PTPRD: variants seen among roughly 807,000 people sequenced by gnomAD.
The protein encoded by PTPRD is protein tyrosine phosphatase receptor type D.
A neutral mutation model predicts 214.5 loss-of-function variants in PTPRD; 34 were observed. The ratio of observed to expected loss-of-function variants is 0.16; its 90% CI spans 0.12 to 0.21. The LOEUF is 0.21. PTPRD is among the 10% of genes least tolerant of loss of function. The pLI is 1.00. For synonymous variants in PTPRD, 1,128 were observed against 845.7 expected, an observed-to-expected ratio of 1.33 and a Z score of -5.79; for missense variants, 2,545 against 2,398.7, an observed-to-expected ratio of 1.06 and a Z score of -1.27.
intron 11 of PTPRD, among the ~76,000 whole-genome samples, chr9:8,753,288 T>A (rs1198890790): frequency 1.3e-5 from 2 of 152,184 alleles, no homozygotes; most frequent in South Asian, 4.1e-4. Context: ...TCTGGTGATA[T>A]AATGGAAGTG....
At chr9:9,794,394 T>C (rs534674038) in intron 5 of PTPRD, among the ~76,000 whole-genome samples, 14 of 151,858 alleles carry the variant, frequency 9.2e-5, no homozygotes, top group African/African-American at 3.4e-4. Flanking sequence ...ACATGAGTAA[T>C]ATAGTGAAAG....
chr9:9,126,300 T>C (rs1265511343), intron 10 of PTPRD, among the ~76,000 whole-genome samples: 1 of 152,208 alleles, frequency 6.6e-6, no homozygotes, highest in Non-Finnish European at 1.5e-5. Flanking sequence ...CTATAGCCTT[T>C]GGCATTTATC....
intron 4 of PTPRD, among the ~76,000 whole-genome samples, chr9:9,949,375 T>G (rs1409754589): frequency 6.6e-6 from 1 of 152,172 alleles, no homozygotes; most frequent in Non-Finnish European, 1.5e-5. Flanking sequence ...AATTATTTGA[T>G]GAAATCCACA....
intron 14 of PTPRD, among the ~76,000 whole-genome samples, chr9:8,605,961 C>T (rs1049208000): frequency 2.0e-4 from 30 of 151,838 alleles, no homozygotes; most frequent in African/African-American, 6.1e-4. Flanking sequence ...TTTTATTTTT[C>T]GGGGAGCGGG....
At chr9:8,593,790 G>A (rs750741875) in intron 14 of PTPRD, among the ~76,000 whole-genome samples, 2 of 152,150 alleles carry the variant, frequency 1.3e-5, no homozygotes, top group Non-Finnish European at 2.9e-5. Context: ...GATGATCATA[G>A]CACCCTTGGC....
intron 3 of PTPRD, among the ~76,000 whole-genome samples, chr9:10,065,972 A>C (rs1278834234): frequency 3.9e-5 from 6 of 151,932 alleles, no homozygotes; most frequent in Non-Finnish European, 8.8e-5. Context: ...CATTTTGAAG[A>C]TAGCACAAAA....
intron 9 of PTPRD, among the ~76,000 whole-genome samples, chr9:9,204,526 A>G (rs918396832): frequency 6.6e-6 from 1 of 152,118 alleles, no homozygotes; most frequent in Non-Finnish European, 1.5e-5. Context: ...TTAAAGGAAC[A>G]CTCACGAGTC....
At chr9:9,069,920 G>A (rs2099741292) in intron 10 of PTPRD, among the ~76,000 whole-genome samples, 1 of 152,116 alleles carries the variant, frequency 6.6e-6, no homozygotes, top group East Asian at 1.9e-4. Context: ...TATTTCACCA[G>A]TGGAGAAAAA....
chr9:9,516,368 C>A (rs999029364), intron 8 of PTPRD, among the ~76,000 whole-genome samples: 2 of 151,990 alleles, frequency 1.3e-5, no homozygotes, highest in Non-Finnish European at 2.9e-5. Context: ...ACAGTTATGA[C>A]AGCCTCTACG....
intron 8 of PTPRD, among the ~76,000 whole-genome samples, chr9:9,524,035 T>C (rs1294198957): frequency 6.6e-6 from 1 of 152,122 alleles, no homozygotes; most frequent in Non-Finnish European, 1.5e-5. Context: ...GGGCAGTGAA[T>C]GCAAAACAGA....
chr9:10,324,735 A>G (rs989205458), intron 3 of PTPRD, among the ~76,000 whole-genome samples: 1 of 152,022 alleles, frequency 6.6e-6, no homozygotes, highest in African/African-American at 2.4e-5. Flanking sequence ...CTTTTTGTAT[A>G]ACCATTATTA....
At chr9:9,460,161 A>G (rs1213479427) in intron 8 of PTPRD, among the ~76,000 whole-genome samples, 1 of 151,748 alleles carries the variant, frequency 6.6e-6, no homozygotes, top group African/African-American at 2.4e-5. Flanking sequence ...AAGTGAAATG[A>G]CCCCTATTTC....
chr9:8,782,691 G>A (rs539720352), intron 11 of PTPRD, among the ~76,000 whole-genome samples: 5 of 147,568 alleles, frequency 3.4e-5, no homozygotes, highest in East Asian at 2.1e-4. Flanking sequence ...TCCACCTCCC[G>A]AGTTCAAGCA....
intron 3 of PTPRD, among the ~76,000 whole-genome samples, chr9:10,133,708 T>G (rs1302161454): frequency 6.6e-6 from 1 of 152,148 alleles, no homozygotes; most frequent in Non-Finnish European, 1.5e-5. Context: ...GTAACAAAGT[T>G]AATTAGTATG....
chr9:8,615,454 C>T (rs551080532), intron 14 of PTPRD, among the ~76,000 whole-genome samples: 2 of 152,178 alleles, frequency 1.3e-5, no homozygotes, highest in South Asian at 4.1e-4. Flanking sequence ...ATTTTAATTT[C>T]ATTTGTCCTC....
intron 11 of PTPRD, among the ~76,000 whole-genome samples, chr9:8,734,223 C>T (rs1353258206): frequency 6.6e-6 from 1 of 152,202 alleles, no homozygotes; most frequent in Non-Finnish European, 1.5e-5. Flanking sequence ...GACTTTCATT[C>T]TTTGCTTATG....
At chr9:9,018,256 G>A (rs990338737) in intron 11 of PTPRD, among the ~76,000 whole-genome samples, 1 of 152,170 alleles carries the variant, frequency 6.6e-6, no homozygotes, top group African/African-American at 2.4e-5. Flanking sequence ...TCCACACGAG[G>A]TGGAGTTTGG....
At chr9:8,626,335 C>G (rs189933009) in intron 14 of PTPRD, among the ~76,000 whole-genome samples, 2 of 151,930 alleles carry the variant, frequency 1.3e-5, no homozygotes, top group Admixed American at 1.3e-4. Context: ...CCTAGGTTAA[C>G]TTAATCACAC....
chr9:8,489,276 CCTTT>C (rs1210754743), intron 27 of PTPRD, among the ~76,000 whole-genome samples: 2 of 152,248 alleles, frequency 1.3e-5, no homozygotes, highest in East Asian at 3.9e-4. Flanking sequence ...GTTGGCATGA[CCTTT>C]CTTATCCTGG....
Sources: allele counts gnomAD v4.1 joint callset (sites outside exome capture counted in the v4.1 genomes callset), GRCh38; gene constraint gnomAD v4.1.1; transcripts MANE v1.5; gene names NCBI Gene and HGNC (gene_info 2026-07-23, HGNC 2026-07-21).